METTL15: variants seen among roughly 807,000 people sequenced by gnomAD.
The protein encoded by METTL15 is 12S rRNA N(4)-cytidine methyltransferase METTL15.
Under a neutral mutation model 38.3 loss-of-function variants are expected in METTL15, and 34 were observed. The observed-to-expected ratio is 0.89, with a 90% CI of 0.68 to 1.18. METTL15 has a LOEUF of 1.18. Ranked by LOEUF, METTL15 falls within the 50% of genes most tolerant of loss-of-function variation. The pLI is 0.00. For missense variants in METTL15, 438 were observed against 498.4 expected, an observed-to-expected ratio of 0.88 and a Z score of 1.15; for synonymous variants, 162 against 170.9, an observed-to-expected ratio of 0.95 and a Z score of 0.41.
At chr11:28,208,101 C>G (rs922521087) in intron 3 of METTL15, among the ~76,000 whole-genome samples, 13 of 152,096 alleles carry the variant, frequency 8.5e-5, no homozygotes, top group African/African-American at 2.7e-4. Context: ...TTTTATGTCT[C>G]TATTTCCTTC....
At chr11:28,218,010 T>G (rs1852983996) in intron 4 of METTL15, among the ~76,000 whole-genome samples, 1 of 152,222 alleles carries the variant, frequency 6.6e-6, no homozygotes, top group South Asian at 2.1e-4. Flanking sequence ...CCAGCTTTGT[T>G]CTTTTGGCTT....
At chr11:28,310,930 T>C (rs1857262890) in intron 6 of METTL15, among the ~76,000 whole-genome samples, 1 of 95,580 alleles carries the variant, frequency 1.0e-5, no homozygotes, top group Admixed American at 1.4e-4. Flanking sequence ...GTGGTGGTGG[T>C]GGTGGTGGTG....
intron 3 of METTL15, among the ~76,000 whole-genome samples, chr11:28,132,864 G>C (rs1849384887): frequency 1.3e-5 from 2 of 152,070 alleles, no homozygotes; most frequent in Admixed American, 6.5e-5. Flanking sequence ...TTTGAACTTA[G>C]AGTACTGAAT....
At chr11:28,397,815 A>G (rs1181202462) in intron 5 of METTL15, among the ~76,000 whole-genome samples, 3 of 152,168 alleles carry the variant, frequency 2.0e-5, no homozygotes, top group East Asian at 1.9e-4. Flanking sequence ...CACTATTCAC[A>G]ATAGCAATTA....
chr11:28,307,047 C>A (rs1451102610), intron 6 of METTL15, among the ~76,000 whole-genome samples: 1 of 151,652 alleles, frequency 6.6e-6, no homozygotes, highest in Non-Finnish European at 1.5e-5. Flanking sequence ...CATCATTTCC[C>A]AAACATTTTA....
At chr11:28,293,845 T>A (rs1330230719) in intron 5 of METTL15, among the ~76,000 whole-genome samples, 2 of 152,196 alleles carry the variant, frequency 1.3e-5, no homozygotes, top group African/African-American at 2.4e-5. Flanking sequence ...ACTCATGATT[T>A]GGCTCTCTGT....
At chr11:28,466,312 A>G (rs999796268) in intron 6 of METTL15, among the ~76,000 whole-genome samples, 8 of 152,352 alleles carry the variant, frequency 5.3e-5, no homozygotes, top group Admixed American at 2.0e-4. Flanking sequence ...GATATATAAT[A>G]GGTTTCCACC....
Position 28,303,138 on chromosome 11 carries a change from G to A in METTL15, c.778+6207G>A, listed in dbSNP as rs368564721. On this transcript the variant is annotated intron_variant, in intron 6 of 6. Coordinates refer to ENST00000407364, the MANE Select transcript of METTL15 (RefSeq NM_001113528.2). ...TATTTGAGCTTTTTCGTATTCTAGC[G>A]CTCTTTTCATTCTCCGGTTACATCA... Among the ~76,000 whole-genome samples the A allele has an allele frequency of 4.6e-5, 7 of 152,126 alleles. No individual in the cohort carries two copies. The East Asian group carries it at 5.8e-4, about 13-fold the overall frequency.
At chr11:28,253,349 T>C (rs1216654963) in intron 4 of METTL15, among the ~76,000 whole-genome samples, 1 of 152,184 alleles carries the variant, frequency 6.6e-6, no homozygotes, top group Non-Finnish European at 1.5e-5. Flanking sequence ...GGTGTATATA[T>C]TTATGAAGCA....
At chr11:28,372,434 C>A (rs893222106) in intron 5 of METTL15, among the ~76,000 whole-genome samples, 1 of 126,566 alleles carries the variant, frequency 7.9e-6, no homozygotes, top group Non-Finnish European at 1.7e-5. Flanking sequence ...TAGAAGTTTT[C>A]TTTTTTTGTT....
At chr11:28,300,060 C>A (rs889637341) in intron 6 of METTL15, among the ~76,000 whole-genome samples, 1 of 152,050 alleles carries the variant, frequency 6.6e-6, no homozygotes, top group African/African-American at 2.4e-5. Context: ...CTGCAAAGAC[C>A]TTATTTCTAG....
At chr11:28,394,018 A>G (rs1343053482) in intron 5 of METTL15, among the ~76,000 whole-genome samples, 2 of 152,094 alleles carry the variant, frequency 1.3e-5, no homozygotes, top group East Asian at 3.9e-4. Context: ...TTAAATGTAT[A>G]CAGTCTGCTA....
At chr11:28,402,375 G>A (rs1208838614) in intron 5 of METTL15, among the ~76,000 whole-genome samples, 1 of 151,944 alleles carries the variant, frequency 6.6e-6, no homozygotes, top group Non-Finnish European at 1.5e-5. Flanking sequence ...GCCAAGCTAA[G>A]TCCAATCACT....
chr11:28,488,649 G>C (rs1380747062), intron 6 of METTL15, among the ~76,000 whole-genome samples: 1 of 152,112 alleles, frequency 6.6e-6, no homozygotes, highest in Non-Finnish European at 1.5e-5. Context: ...TGCCCAGCTT[G>C]GCTGGATTTT....
intron 4 of METTL15, among the ~76,000 whole-genome samples, chr11:28,286,421 C>G (rs1856264703): frequency 6.6e-6 from 1 of 152,088 alleles, no homozygotes; most frequent in African/African-American, 2.4e-5. Flanking sequence ...CAATCTTTCC[C>G]AAAATATGTA....
chr11:28,170,499 T>C (rs1850818279), intron 3 of METTL15, among the ~76,000 whole-genome samples: 1 of 152,162 alleles, frequency 6.6e-6, no homozygotes, highest in Non-Finnish European at 1.5e-5. Flanking sequence ...GGCTACTCCA[T>C]AGGCAGAGCA....
At chr11:28,266,455 A>G (rs1359093807) in intron 4 of METTL15, among the ~76,000 whole-genome samples, 1 of 152,202 alleles carries the variant, frequency 6.6e-6, no homozygotes, top group Non-Finnish European at 1.5e-5. Context: ...AAACTATCAC[A>G]AGGACAAGAG....
chr11:28,389,420 C>A (rs1850478001), intron 5 of METTL15, among the ~76,000 whole-genome samples: 1 of 134,642 alleles, frequency 7.4e-6, no homozygotes, highest in Non-Finnish European at 1.5e-5. Context: ...TGTGATGTTC[C>A]CCTTCCTGTG....
chr11:28,523,953 C>G (rs758661307), intron 6 of METTL15, among the ~76,000 whole-genome samples: 1 of 152,106 alleles, frequency 6.6e-6, no homozygotes, highest in Non-Finnish European at 1.5e-5. Flanking sequence ...GGGTAGAGGC[C>G]AAGGATGCTG....
Sources: gnomAD v4.1 joint callset for allele counts (sites outside exome capture counted in the v4.1 genomes callset) on GRCh38, gnomAD v4.1.1 for gene constraint, MANE v1.5 for transcripts, NCBI Gene and HGNC (gene_info 2026-07-23, HGNC 2026-07-21) for gene names.